NPR3: variants seen among roughly 807,000 people sequenced by gnomAD.
The protein encoded by NPR3 is atrial natriuretic peptide receptor 3.
A neutral mutation model predicts 54.5 loss-of-function variants in NPR3; 34 were observed. The ratio of observed to expected loss-of-function variants is 0.62; its 90% CI spans 0.47 to 0.83. The LOEUF (loss-of-function observed/expected upper bound fraction) is 0.83, where lower values mean the gene tolerates loss of function less well. Ranked by LOEUF, NPR3 falls within the 40% of genes least tolerant of loss-of-function variation. The pLI is 0.00. For synonymous variants in NPR3, 289 were observed against 297.1 expected (o/e 0.97, Z 0.28); for missense variants, 674 against 720.8 (o/e 0.94, Z 0.74).
intron 1 of NPR3, among the ~76,000 whole-genome samples, chr5:32,698,907 G>A (rs1222829895): frequency 6.6e-6 from 1 of 150,844 alleles, no homozygotes; most frequent in Non-Finnish European, 1.5e-5. Context: ...GTTGGATCTT[G>A]TCTTTTTAAA....
intron 3 of NPR3, among the ~76,000 whole-genome samples, chr5:32,740,776 C>A (rs566570542): frequency 6.6e-6 from 1 of 152,234 alleles, no homozygotes; most frequent in East Asian, 1.9e-4. Flanking sequence ...TGTGCAGAGG[C>A]CTTGTTCGAG....
chr5:32,766,602 G>A (rs1264844718), intron 3 of NPR3, among the ~76,000 whole-genome samples: 2 of 151,960 alleles, frequency 1.3e-5, no homozygotes, highest in Non-Finnish European at 2.9e-5. Context: ...AATGAGACTG[G>A]GTAAATGAAG....
At position 32,716,277 on chromosome 5, in the gene NPR3, G is replaced by A. The variant is rs1163318150; in HGVS notation, c.769+3732G>A. On this transcript the variant is annotated intron_variant, in intron 1 of 7. Transcript: ENST00000265074. ...TACACAAGGTTTATGAGGAGAAAAA[G>A]GTTCCTGTCTCCTACTCTCCATTTT... The A allele has an allele frequency of 8.5e-6, 3 of 353,106 alleles. No homozygotes were observed. The Middle Eastern group carries it at 1.9e-3, about 226-fold the overall frequency. The allele number at this position is 353,106 out of a possible 1,614,324, so 21.9% of individuals were successfully genotyped here.
chr5:32,728,465 G>GGA (rs1554014286), intron 2 of NPR3, among the ~76,000 whole-genome samples: 1 of 137,468 alleles, frequency 7.3e-6, no homozygotes, highest in Non-Finnish European at 1.5e-5. Context: ...CTCTATCTCA[G>GGA]AAAAAAAAAA....
intron 1 of NPR3, among the ~76,000 whole-genome samples, chr5:32,703,567 G>C (rs1168037691): frequency 6.6e-6 from 1 of 152,104 alleles, no homozygotes; most frequent in East Asian, 1.9e-4. Flanking sequence ...TAGACTGCAG[G>C]TGATAAATCC....
chr5:32,790,565 C>T lies in NPR3; in HGVS notation c.*4220C>T, dbSNP rs1489760577. On this transcript the variant is annotated 3_prime_UTR_variant, in exon 8 of 8. Coordinates refer to ENST00000265074, the MANE Select transcript of NPR3 (RefSeq NM_001204375.2). ...AGTTCAAGCCTGTGATGTGCATAAA[C>T]TCCAACAAGCCTGGCTTTGGTGTTC... 6.0e-6 allele frequency: 1 copy of T among 166,620 alleles called. No homozygotes were observed. The highest frequency in any genetic ancestry group is 6.5e-5 in the Admixed American group (1 of 15,284). The allele number at this position is 166,620 out of a possible 1,614,324, so 10.3% of individuals were successfully genotyped here. A position where few individuals can be genotyped will look rare whatever the true frequency, so the allele number is the denominator to read the frequency against.
At chr5:32,770,263 C>G (rs1317368600) in intron 3 of NPR3, among the ~76,000 whole-genome samples, 8 of 150,286 alleles carry the variant, frequency 5.3e-5, no homozygotes, top group Non-Finnish European at 8.8e-5. Flanking sequence ...AACCACATCT[C>G]TACAAAAAAT....
At position 32,711,877 on chromosome 5, in the gene NPR3, G is replaced by GTGGCGC; in HGVS notation, c.102_107dup (p.Ala36_Gly37dup). The GTGGCGC allele has an allele frequency of 6.8e-7, 1 of 1,465,492 alleles. No individual in the cohort carries two copies. The highest frequency in any genetic ancestry group is 1.5e-5 in the South Asian group (1 of 68,720). 90.8% of individuals were successfully genotyped at this position (1,465,492 alleles called of 1,614,324 possible). A position where few individuals can be genotyped will look rare whatever the true frequency, so the allele number is the denominator to read the frequency against. The stretch of plus-strand genomic sequence containing the variant: ...GGCGGTGGCGTTGGCGGCGGCGGCG[G>GTGGCGC]TGGCGCGGGCATAGGCGGCGGACGC... On this transcript the variant is annotated inframe_insertion, in exon 1 of 8. Coordinates refer to ENST00000265074, the MANE Select transcript of NPR3 (RefSeq NM_001204375.2).
At chr5:32,778,934 C>G (rs1336098788) in intron 4 of NPR3, among the ~76,000 whole-genome samples, 1 of 152,160 alleles carries the variant, frequency 6.6e-6, no homozygotes. Context: ...TATTTTAAGC[C>G]TATTTATCAC....
chr5:32,754,714 AT>A (rs1561111975), intron 3 of NPR3, among the ~76,000 whole-genome samples: 1 of 152,104 alleles, frequency 6.6e-6, no homozygotes, highest in African/African-American at 2.4e-5. Context: ...AGAGAGGATT[AT>A]TTTTTGTATA....
In NPR3 at chr5:32,712,144, C is replaced by A. The variant is rs772738183; in HGVS notation, c.368C>A (p.Ala123Glu). Residue 123 changes from alanine (A) to glutamate (E), a missense_variant, in exon 1 of 8, where the codon GCG (alanine) becomes GAG (glutamate). Ala to Glu is a moderately radical substitution (Grantham distance 107, BLOSUM62 -1). Transcript: ENST00000265074. ...LFSLVDRVAA[A>E]RGAKPDLILG... ...AGCTTGGTGGACCGCGTGGCGGCGGCGCGGGGCGCCAAGCCAGACCTTATC... is the reference window on the plus strand; with the variant it reads ...AGCTTGGTGGACCGCGTGGCGGCGGAGCGGGGCGCCAAGCCAGACCTTATC... 1.2e-6 allele frequency: 2 copies of A among 1,613,454 alleles called. No individual in the cohort carries two copies. The highest frequency in any genetic ancestry group is 1.3e-5 in the African/African-American group (1 of 75,066).
intron 3 of NPR3, among the ~76,000 whole-genome samples, chr5:32,774,341 G>C (rs1468528919): frequency 6.6e-6 from 1 of 152,150 alleles, no homozygotes; most frequent in East Asian, 1.9e-4. Context: ...AGGTGGAGAA[G>C]ACCTCAAGGG....
chr5:32,719,071 G>A (rs1738712250), intron 1 of NPR3, among the ~76,000 whole-genome samples: 1 of 152,210 alleles, frequency 6.6e-6, no homozygotes, highest in Admixed American at 6.5e-5. Flanking sequence ...AAAGGCTGTT[G>A]AATTTTATCG....
Position 32,789,009 on chromosome 5 carries a change from T to C in NPR3, c.*2664T>C, listed in dbSNP as rs1431712346. ...GATTATATTTGGGGATTTACGTTCC[T>C]AACTGCTAAGCAACATCTTTGACAA... On this transcript the variant is annotated 3_prime_UTR_variant, in exon 8 of 8. Transcript: ENST00000265074. The C allele has an allele frequency of 1.3e-5, 2 of 154,618 alleles. No homozygotes were observed. The highest frequency in any genetic ancestry group is 2.9e-5 in the Non-Finnish European group (2 of 69,574). 9.6% of individuals were successfully genotyped at this position (154,618 alleles called of 1,614,324 possible). A position where few individuals can be genotyped will look rare whatever the true frequency, so the allele number is the denominator to read the frequency against.
intron 1 of NPR3, among the ~76,000 whole-genome samples, chr5:32,721,900 T>C (rs1467242120): frequency 6.6e-6 from 1 of 152,172 alleles, no homozygotes; most frequent in Non-Finnish European, 1.5e-5. Flanking sequence ...AGGCATCACA[T>C]GGTGAGAGAG....
chr5:32,712,531 A>C lies in NPR3; in HGVS notation c.755A>C (p.Gln252Pro). The C allele has an allele frequency of 1.1e-5, 17 of 1,524,648 alleles. No individual in the cohort carries two copies. The highest frequency in any genetic ancestry group is 1.4e-5 in the Non-Finnish European group (16 of 1,139,902). 94.4% of individuals were successfully genotyped at this position (1,524,648 alleles called of 1,614,324 possible). ...LDLEDIVRNIQASERVVIMCA... is the reference protein window; with the variant it reads ...LDLEDIVRNIPASERVVIMCA... Reference sequence around the variant, plus strand: ...CTGGAAGACATCGTGCGCAATATCCAGGCCAGTGAGAGAGGTGAGCAGGGG... The same window carrying C: ...CTGGAAGACATCGTGCGCAATATCCCGGCCAGTGAGAGAGGTGAGCAGGGG... Residue 252 changes from glutamine to proline, a missense_variant, in exon 1 of 8, where the codon CAG becomes CCG. Gln to Pro is a moderately conservative substitution (Grantham distance 76). Transcript: ENST00000265074.
At chr5:32,754,499 A>G (rs1421159651) in intron 3 of NPR3, among the ~76,000 whole-genome samples, 2 of 152,182 alleles carry the variant, frequency 1.3e-5, no homozygotes, top group Admixed American at 6.5e-5. Context: ...GGTCCAGCCA[A>G]TTGTTAAGAG....
intron 4 of NPR3, among the ~76,000 whole-genome samples, chr5:32,779,400 A>G (rs914941851): frequency 1.3e-5 from 2 of 152,192 alleles, no homozygotes; most frequent in African/African-American, 2.4e-5. Context: ...TCAGCCGATG[A>G]TATATTTGCT....
chr5:32,728,125 G>A (rs1250794789), intron 2 of NPR3, among the ~76,000 whole-genome samples: 2 of 152,140 alleles, frequency 1.3e-5, no homozygotes, highest in Non-Finnish European at 2.9e-5. Flanking sequence ...AGTTTTTAGT[G>A]TTTTATTTAG....
Sources: gnomAD v4.1 joint callset for allele counts (sites outside exome capture counted in the v4.1 genomes callset) on GRCh38, gnomAD v4.1.1 for gene constraint, MANE v1.5 for transcripts, NCBI Gene and HGNC (gene_info 2026-07-23, HGNC 2026-07-21) for gene names.